KCNQ5: variants seen among roughly 807,000 people sequenced by gnomAD.
KCNQ5 encodes potassium voltage-gated channel subfamily KQT member 5.
KCNQ5 carries 30 observed loss-of-function variants against 98.2 expected under a neutral mutation model. That is an observed-to-expected ratio of 0.31 (90% CI 0.23 to 0.41). The LOEUF is 0.41. Ranked by LOEUF, KCNQ5 falls within the 10% of genes least tolerant of loss-of-function variation. The pLI, the probability that KCNQ5 is intolerant of heterozygous loss-of-function variation, is 1.00. For missense variants in KCNQ5, 835 were observed against 1,182.5 expected (o/e 0.71, Z 4.31); for synonymous variants, 458 against 449.4 (o/e 1.02, Z -0.24).
chr6:72,929,620 T>TGTACATAAA (rs1242373076), intron 1 of KCNQ5, among the ~76,000 whole-genome samples: 9 of 152,216 alleles, frequency 5.9e-5, no homozygotes, highest in African/African-American at 1.9e-4. Flanking sequence ...TAAAGTACAA[T>TGTACATAAA]GTACATAAAG....
At chr6:73,028,497 C>G (rs1366673695) in intron 2 of KCNQ5, among the ~76,000 whole-genome samples, 9 of 152,156 alleles carry the variant, frequency 5.9e-5, no homozygotes, top group African/African-American at 2.2e-4. Context: ...TCACTCTGAC[C>G]CAGGCTGTAA....
At chr6:73,051,977 G>A (rs1772264324) in intron 3 of KCNQ5, among the ~76,000 whole-genome samples, 2 of 152,152 alleles carry the variant, frequency 1.3e-5, no homozygotes, top group African/African-American at 4.8e-5. Flanking sequence ...CTAATCCAGG[G>A]ATTCTAAGGA....
chr6:73,077,566 A>G lies in KCNQ5; in HGVS notation c.792+69A>G, dbSNP rs1773588232. The G allele has an allele frequency of 2.0e-6, 3 of 1,477,880 alleles. No individual in the cohort carries two copies. In the Admixed American group the frequency reaches 7.1e-5, roughly 35 times the overall value. The allele number at this position is 1,477,880 out of a possible 1,614,324, so 91.5% of individuals were successfully genotyped here. On this transcript the variant is annotated intron_variant, in intron 4 of 13. Transcript: ENST00000370398. The stretch of plus-strand genomic sequence containing the variant: ...TTTTCATTGATCGCTGTAATAGTTA[A>G]TAAACCTGTCACAAGAAAACTTAGT...
intron 1 of KCNQ5, among the ~76,000 whole-genome samples, chr6:72,937,564 C>A (rs891846377): frequency 1.3e-5 from 2 of 152,104 alleles, no homozygotes; most frequent in East Asian, 1.9e-4. Flanking sequence ...TTTAATAATT[C>A]TTTCCTATAT....
At chr6:73,098,294 A>T (rs1774607311) in intron 5 of KCNQ5, among the ~76,000 whole-genome samples, 1 of 152,150 alleles carries the variant, frequency 6.6e-6, no homozygotes. Flanking sequence ...AATAGCTTCA[A>T]AGGGGCAAAT....
intron 1 of KCNQ5, among the ~76,000 whole-genome samples, chr6:72,946,594 G>T (rs1341079936): frequency 6.6e-6 from 1 of 152,044 alleles, no homozygotes; most frequent in African/African-American, 2.4e-5. Flanking sequence ...AAAATCAAAA[G>T]CCTACAAAAA....
intron 3 of KCNQ5, among the ~76,000 whole-genome samples, chr6:73,067,097 T>C (rs115696517): frequency 0.016 from 2,479 of 152,296 alleles, 61 homozygotes; most frequent in African/African-American, 0.056. Flanking sequence ...GTAGTTATAT[T>C]CCCTATTCTT....
At chr6:72,693,397 T>C (rs1033218733) in intron 1 of KCNQ5, among the ~76,000 whole-genome samples, 3 of 152,138 alleles carry the variant, frequency 2.0e-5, no homozygotes, top group African/African-American at 4.8e-5. Context: ...AAAAGTGGAT[T>C]TGGCAATTAG....
At chr6:72,982,766 A>G (rs1379468399) in intron 1 of KCNQ5, among the ~76,000 whole-genome samples, 2 of 152,142 alleles carry the variant, frequency 1.3e-5, no homozygotes, top group Non-Finnish European at 2.9e-5. Context: ...TCTTCCTAGC[A>G]TCAATGGTCT....
intron 1 of KCNQ5, among the ~76,000 whole-genome samples, chr6:72,863,761 G>T (rs1424155265): frequency 2.0e-5 from 3 of 152,112 alleles, no homozygotes; most frequent in Non-Finnish European, 4.4e-5. Flanking sequence ...TTGTGTAAGG[G>T]TGTTTTATTT....
At chr6:73,190,418 T>C (rs1765550476) in intron 11 of KCNQ5, among the ~76,000 whole-genome samples, 155 bp from the exon 12 acceptor site, 3 of 152,220 alleles carry the variant, frequency 2.0e-5, no homozygotes, top group Non-Finnish European at 2.9e-5. Flanking sequence ...TCCACTGTAA[T>C]CTCAGGCTTT....
intron 1 of KCNQ5, among the ~76,000 whole-genome samples, chr6:72,686,328 C>T (rs1388553562): frequency 6.6e-6 from 1 of 152,088 alleles, no homozygotes; most frequent in Non-Finnish European, 1.5e-5. Context: ...TTGTGATGTT[C>T]CCTCGAGCTG....
At chr6:73,067,550 G>C (rs1426959180) in intron 3 of KCNQ5, among the ~76,000 whole-genome samples, 2 of 152,066 alleles carry the variant, frequency 1.3e-5, no homozygotes, top group African/African-American at 4.8e-5. Context: ...AACTAAGAAA[G>C]GACAGAACTA....
At position 73,197,941 on chromosome 6, in the gene KCNQ5, T is replaced by C. The variant is rs1266490550; in HGVS notation, c.*2527T>C. 3 of 152,166 alleles carry C rather than the reference T, an allele frequency of 2.0e-5. No individual in the cohort carries two copies. The highest frequency in any genetic ancestry group is 3.8e-4 in the East Asian group (2 of 5,204). The allele number at this position is 152,166 out of a possible 1,614,324, so 9.4% of individuals were successfully genotyped here. A position where few individuals can be genotyped will look rare whatever the true frequency, so the allele number is the denominator to read the frequency against. ...TCATAGCAAAATGTGATAAACCATG[T>C]TGTGAAAAACTTTTATACATTGAAG... On this transcript the variant is annotated 3_prime_UTR_variant, in exon 14 of 14. Coordinates refer to ENST00000370398, the MANE Select transcript of KCNQ5 (RefSeq NM_019842.4).
intron 1 of KCNQ5, among the ~76,000 whole-genome samples, chr6:72,726,895 G>T (rs1039178397): frequency 6.6e-6 from 1 of 152,078 alleles, no homozygotes; most frequent in Non-Finnish European, 1.5e-5. Flanking sequence ...AGGTTGCAGC[G>T]CAGTGGCGTG....
At chr6:72,669,229 G>A (rs992489802) in intron 1 of KCNQ5, among the ~76,000 whole-genome samples, 2 of 152,054 alleles carry the variant, frequency 1.3e-5, no homozygotes, top group African/African-American at 4.8e-5. Flanking sequence ...TGTGAAACCC[G>A]ACAAGCTAAT....
chr6:73,013,428 C>T (rs1397783401), intron 2 of KCNQ5, among the ~76,000 whole-genome samples: 1 of 152,074 alleles, frequency 6.6e-6, no homozygotes, highest in Admixed American at 6.6e-5. Flanking sequence ...AACTCAAGAA[C>T]GTGTATGAAA....
chr6:72,921,774 TGAAGTGGAC>T (rs1222547326), intron 1 of KCNQ5, among the ~76,000 whole-genome samples: 2 of 152,218 alleles, frequency 1.3e-5, no homozygotes, highest in African/African-American at 4.8e-5. Flanking sequence ...CCTAGAGTCT[TGAAGTGGAC>T]ATTTTTGACA....
intron 13 of KCNQ5, among the ~76,000 whole-genome samples, chr6:73,193,502 AATAAAAT>A (rs1765675843): frequency 6.7e-6 from 1 of 149,166 alleles, no homozygotes; most frequent in African/African-American, 2.4e-5. Flanking sequence ...AATAAAATAA[AATAAAAT>A]ATAAAATAAA....
Sources: allele counts gnomAD v4.1 joint callset (sites outside exome capture counted in the v4.1 genomes callset), GRCh38; gene constraint gnomAD v4.1.1; transcripts MANE v1.5; gene names NCBI Gene and HGNC (gene_info 2026-07-23, HGNC 2026-07-21).